The following CAMTA1 variants were observed in gnomAD, a reference collection of about 807,000 sequenced individuals.
CAMTA1 encodes the protein calmodulin-binding transcription activator 1.
In CAMTA1, 27 loss-of-function variants were observed where a neutral mutation model predicts 170.9. The observed-to-expected ratio is 0.16, with a 90% confidence interval of 0.12 to 0.22. The LOEUF is 0.22. Among genes scored for constraint, CAMTA1 ranks in the 10% least tolerant of loss-of-function variants. CAMTA1 has a pLI of 1.00. For synonymous variants in CAMTA1, 833 were observed against 891.5 expected (o/e 0.93, Z 1.17); for missense variants, 1,619 against 2,217.2 (o/e 0.73, Z 5.42).
chr1:7,197,917 G>C (rs1655868307), intron 4 of CAMTA1, among the ~76,000 whole-genome samples: 1 of 151,904 alleles, frequency 6.6e-6, no homozygotes, highest in African/African-American at 2.4e-5. Context: ...CTTGGCCAGA[G>C]TGGGGAGACA....
chr1:7,042,287 C>T (rs1259863957), intron 3 of CAMTA1, among the ~76,000 whole-genome samples: 2 of 152,182 alleles, frequency 1.3e-5, no homozygotes, highest in African/African-American at 4.8e-5. Flanking sequence ...CCTGGGCTGC[C>T]CTGGCACCAT....
chr1:7,407,027 C>T (rs2149237349), intron 5 of CAMTA1, among the ~76,000 whole-genome samples: 1 of 152,334 alleles, frequency 6.6e-6, no homozygotes, highest in East Asian at 1.9e-4. Context: ...GTGCCCGCAG[C>T]CCGGCGGCAC....
intron 6 of CAMTA1, among the ~76,000 whole-genome samples, chr1:7,520,640 G>A (rs1374087963): frequency 6.6e-6 from 1 of 151,970 alleles, no homozygotes; most frequent in Non-Finnish European, 1.5e-5. Context: ...GCCCCTTCTG[G>A]GCACCCAGCT....
chr1:7,004,651 AC>A (rs1163137093), intron 3 of CAMTA1, among the ~76,000 whole-genome samples: 2 of 152,208 alleles, frequency 1.3e-5, no homozygotes, highest in Non-Finnish European at 2.9e-5. Context: ...TCATGCCAGC[AC>A]CTCAGAAGAT....
intron 4 of CAMTA1, among the ~76,000 whole-genome samples, chr1:7,238,033 C>G (rs921976839): frequency 2.6e-5 from 4 of 152,216 alleles, no homozygotes; most frequent in African/African-American, 7.2e-5. Context: ...CTCCAAATCT[C>G]ATAATCTTCT....
intron 5 of CAMTA1, among the ~76,000 whole-genome samples, chr1:7,273,622 T>C (rs571756124): frequency 6.6e-6 from 1 of 152,302 alleles, no homozygotes; most frequent in Non-Finnish European, 1.5e-5. Flanking sequence ...ATTAGGTTTC[T>C]TTTTGGGGTG....
intron 5 of CAMTA1, among the ~76,000 whole-genome samples, chr1:7,371,626 T>C (rs1202597174): frequency 6.6e-6 from 1 of 152,218 alleles, no homozygotes; most frequent in Non-Finnish European, 1.5e-5. Flanking sequence ...TCAAAGGTGC[T>C]CAGGAGTTTC....
intron 5 of CAMTA1, among the ~76,000 whole-genome samples, chr1:7,363,961 G>A (rs182250345): frequency 1.3e-5 from 2 of 152,272 alleles, no homozygotes; most frequent in Non-Finnish European, 1.5e-5. Context: ...AAGTCACGGG[G>A]GCTAAAGCCA....
intron 11 of CAMTA1, among the ~76,000 whole-genome samples, chr1:7,711,146 T>C (rs1385429374): frequency 6.6e-6 from 1 of 152,202 alleles, no homozygotes; most frequent in Non-Finnish European, 1.5e-5. Flanking sequence ...GGGTCACTTC[T>C]GAGTTGCAGA....
intron 3 of CAMTA1, among the ~76,000 whole-genome samples, chr1:6,840,147 C>T (rs529312580): frequency 9.2e-5 from 14 of 151,930 alleles, no homozygotes; most frequent in Non-Finnish European, 1.5e-4. Context: ...TGCAGTGAGT[C>T]GAGATCGTGC....
intron 5 of CAMTA1, among the ~76,000 whole-genome samples, chr1:7,364,461 T>C (rs2085810428): frequency 1.4e-5 from 2 of 142,142 alleles, no homozygotes. Context: ...TTTTTTTTTT[T>C]CTGAGACAAG....
At chr1:7,054,903 T>C (rs1558033460) in intron 3 of CAMTA1, among the ~76,000 whole-genome samples, 1 of 152,200 alleles carries the variant, frequency 6.6e-6, no homozygotes, top group Admixed American at 6.5e-5. Context: ...TCTGCTCAGC[T>C]TCTGGGGAGG....
At chr1:7,739,323 G>C (rs2096793575) in intron 16 of CAMTA1, among the ~76,000 whole-genome samples, 1 of 152,198 alleles carries the variant, frequency 6.6e-6, no homozygotes, top group Admixed American at 6.5e-5. Context: ...TATCTTGGGA[G>C]AGGCCTGATT....
intron 6 of CAMTA1, among the ~76,000 whole-genome samples, chr1:7,545,124 C>G (rs1248435159): frequency 1.3e-5 from 2 of 152,186 alleles, no homozygotes; most frequent in Non-Finnish European, 2.9e-5. Context: ...TGAACCATAA[C>G]TTGCTTATGC....
intron 3 of CAMTA1, among the ~76,000 whole-genome samples, chr1:6,838,088 T>A (rs1654021244): frequency 6.6e-6 from 1 of 152,136 alleles, no homozygotes; most frequent in South Asian, 2.1e-4. Context: ...CCCTGGAGTG[T>A]CCAGGGACTG....
intron 7 of CAMTA1, among the ~76,000 whole-genome samples, chr1:7,646,389 TTGGAGGCCCTGGTGAGTTGGG>T (rs1454319117): frequency 3.2e-3 from 296 of 92,846 alleles, no homozygotes; most frequent in African/African-American, 0.011. Flanking sequence ...GTGAGTGTGG[TTGGAGGCCCTGGTGAGTTGGG>T]TGGAGGCCCT....
chr1:7,156,341 G>A (rs975196688), intron 4 of CAMTA1, among the ~76,000 whole-genome samples: 3 of 152,086 alleles, frequency 2.0e-5, no homozygotes, highest in Admixed American at 6.6e-5. Context: ...GCCTAGTGGT[G>A]GAAGCAGATA....
chr1:7,023,599 A>G (rs1404649535), intron 3 of CAMTA1, among the ~76,000 whole-genome samples: 3 of 152,242 alleles, frequency 2.0e-5, no homozygotes, highest in Non-Finnish European at 4.4e-5. Flanking sequence ...GGATGAAACA[A>G]GTGGTTTTTT....
chr1:6,821,481 T>G (rs984173295), intron 2 of CAMTA1, among the ~76,000 whole-genome samples: 5 of 152,194 alleles, frequency 3.3e-5, no homozygotes, highest in Admixed American at 6.5e-5. Context: ...TAGAGCTTCC[T>G]TTTGATTTTA....
Sources: gnomAD v4.1 joint callset for allele counts (sites outside exome capture counted in the v4.1 genomes callset) on GRCh38, gnomAD v4.1.1 for gene constraint, MANE v1.5 for transcripts, NCBI Gene and HGNC (gene_info 2026-07-23, HGNC 2026-07-21) for gene names.